CELSR2: variants seen among roughly 807,000 people sequenced by gnomAD.
CELSR2 encodes the protein EGF-like protein 2.
Under a neutral mutation model 251.6 loss-of-function variants are expected in CELSR2, and 81 were observed. That is an observed-to-expected ratio of 0.32 (90% confidence interval 0.27 to 0.39). The LOEUF is 0.39. CELSR2 is among the 10% of genes least tolerant of loss of function. The pLI, the probability that CELSR2 is intolerant of heterozygous loss-of-function variation, is 1.00. For missense variants in CELSR2, 3,365 were observed against 3,947.7 expected, an observed-to-expected ratio of 0.85 and a Z score of 3.96; for synonymous variants, 1,721 against 1,670.5, an observed-to-expected ratio of 1.03 and a Z score of -0.74.
At chr1:109,257,961 C>T (rs1655904215) in intron 1 of CELSR2, among the ~76,000 whole-genome samples, 1 of 152,146 alleles carries the variant, frequency 6.6e-6, no homozygotes, top group Admixed American at 6.5e-5. Context: ...TTACCCACTC[C>T]CCCCCACCCC....
chr1:109,274,116 T>C lies in CELSR2; in HGVS notation c.*67T>C. ...CCCAGCCGCACTCATGCCCTGCTCC[T>C]GTCTTGTGCTTTATCCTGCCCCGCT... On this transcript the variant is annotated 3_prime_UTR_variant, in exon 34 of 34. Coordinates refer to ENST00000271332, the MANE Select transcript of CELSR2 (RefSeq NM_001408.3). 1 of 1,613,242 alleles carries C rather than the reference T, an allele frequency of 6.2e-7. No individual in the cohort carries two copies.
At chr1:109,258,020 C>G (rs1056022320) in intron 1 of CELSR2, among the ~76,000 whole-genome samples, 3 of 151,944 alleles carry the variant, frequency 2.0e-5, no homozygotes, top group Non-Finnish European at 2.9e-5. Context: ...GCCATGGTTG[C>G]GATTATCGTG....
Position 109,273,498 on chromosome 1 carries a change from CT to C in CELSR2, c.8573del (p.Leu2858ArgfsTer35). ...GAAGAGCAGCCTCCTGCGGCTCCCC[CT>C]GGAGCAATGCACAGGGTCTTCCCGG... ...SEKSSLLRLP[L>X]EQCTGSSRGS... On this transcript the variant is annotated frameshift_variant, in exon 33 of 34. Transcript: ENST00000271332. LOFTEE classifies it high-confidence loss of function. The C allele has an allele frequency of 6.2e-7, 1 of 1,611,162 alleles. No individual in the cohort carries two copies. Among genetic ancestry groups the C allele is most frequent in the Non-Finnish European group, 8.5e-7 (1 of 1,179,024 alleles).
chr1:109,275,532 C>T lies in CELSR2; in HGVS notation c.*1483C>T, dbSNP rs927523190. 6 of 64,170 alleles carry T rather than the reference C, an allele frequency of 9.4e-5. No individual in the cohort carries two copies. The highest frequency in any genetic ancestry group is 2.5e-4 in the African/African-American group (6 of 23,564). 4.0% of individuals were successfully genotyped at this position (64,170 alleles called of 1,614,324 possible). A position where few individuals can be genotyped will look rare whatever the true frequency, so the allele number is the denominator to read the frequency against. The stretch of plus-strand genomic sequence containing the variant: ...CTCTGGCTTTTCTGCCGTGGATTCT[C>T]CCCCGTCTTCTCCCCTCAGCAATTC... On this transcript the variant is annotated 3_prime_UTR_variant, in exon 34 of 34. Transcript: ENST00000271332.
At chr1:109,265,039 T>C (rs779905534) in intron 12 of CELSR2, 30 bp downstream of exon 12, 1 of 1,613,550 alleles carries the variant, frequency 6.2e-7, no homozygotes, top group South Asian at 1.1e-5. Flanking sequence ...TGGCAGCAGG[T>C]CCCAGTGGCT....
rs768921124 is a variant in CELSR2 at position 109,271,382 on chromosome 1, C to A, written c.7677-4C>A. ...CCGGACTCATGGCCTGTCCCTATCC[C>A]CAGCTCGGGCCTGCAGCCCTCCTTC... On this transcript the variant is annotated splice_region_variant and splice_polypyrimidine_tract_variant and intron_variant, in intron 26 of 33. Transcript: ENST00000271332. The A allele has an allele frequency of 9.3e-6, 15 of 1,612,552 alleles. No individual in the cohort carries two copies. In the Admixed American group the frequency reaches 1.7e-4, roughly 18 times the overall value.
intron 2 of CELSR2, among the ~76,000 whole-genome samples, chr1:109,259,344 G>A (rs1397816259): frequency 2.0e-5 from 3 of 152,372 alleles, no homozygotes; most frequent in Admixed American, 6.5e-5. Flanking sequence ...GCCTGTGTTC[G>A]TGTATCAGCT....
chr1:109,265,447 C>A, intron 13 of CELSR2, 136 bp downstream of exon 13: 1 of 1,048,842 alleles, frequency 9.5e-7, no homozygotes, highest in Middle Eastern at 2.3e-4. Flanking sequence ...ACAGGCAGGG[C>A]AGTTGGCTGC....
Position 109,264,961 on chromosome 1 carries a change from A to G in CELSR2, c.5558A>G (p.Tyr1853Cys). Residue 1853 changes from tyrosine to cysteine, a missense_variant, in exon 12 of 34, where the codon TAT (tyrosine) becomes TGT (cysteine). Physicochemically the swap from Tyr to Cys is radical, Grantham distance 194 (BLOSUM62 -2). This residue lies in a region of CELSR2 where 2,093 missense variants were observed against 2,382.8 expected (regional missense o/e 0.88). Coordinates refer to ENST00000271332, the MANE Select transcript of CELSR2 (RefSeq NM_001408.3). ...CGCAAGCCCAGTGCCCCCCATGGCT[A>G]TACCTGCGAGTGTCCCCCAAATTAC... ...CTRKPSAPHG[Y>C]TCECPPNYLG... 3 of 1,614,186 alleles carry G rather than the reference A, an allele frequency of 1.9e-6. No homozygotes were observed. Among genetic ancestry groups the G allele is most frequent in the Non-Finnish European group, 2.5e-6 (3 of 1,180,034 alleles).
chr1:109,263,359 C>T, intron 8 of CELSR2, 92 bp downstream of exon 8: 1 of 1,482,714 alleles, frequency 6.7e-7, no homozygotes, highest in Non-Finnish European at 9.0e-7. Context: ...CAGGGCTCTG[C>T]TGAGCGGGGC....
chr1:109,261,720 T>C lies in CELSR2; in HGVS notation c.4298-88T>C. Reference sequence around the variant, plus strand: ...CAAGCCACATACTCTATCAGCCAAATCTGGGCCCAGCCCCAGCCACTGGCA... The same window carrying C: ...CAAGCCACATACTCTATCAGCCAAACCTGGGCCCAGCCCCAGCCACTGGCA... On this transcript the variant is annotated intron_variant, in intron 4 of 33. Coordinates refer to ENST00000271332, the MANE Select transcript of CELSR2 (RefSeq NM_001408.3). The surrounding 1 kb of genome is among the most constrained non-coding windows in gnomAD (Gnocchi z 4.8). 1.9e-6 allele frequency: 3 copies of C among 1,546,716 alleles called. No homozygotes were observed. Among genetic ancestry groups the C allele is most frequent in the Non-Finnish European group, 1.8e-6 (2 of 1,127,552 alleles).
In CELSR2 at chr1:109,269,613, C is replaced by A; in HGVS notation, c.6980+22C>A. On this transcript the variant is annotated intron_variant, in intron 21 of 33. Coordinates refer to ENST00000271332, the MANE Select transcript of CELSR2 (RefSeq NM_001408.3). The surrounding 1 kb of genome is among the most constrained non-coding windows in gnomAD (Gnocchi z 6.4). ...TCCTGTGAGCCTGCACTGCCCTCGCCCCCTCAGGCTTCGGGCTGAAAGTCC... is the reference window on the plus strand; with the variant it reads ...TCCTGTGAGCCTGCACTGCCCTCGCACCCTCAGGCTTCGGGCTGAAAGTCC... 1 of 1,613,472 alleles carries A rather than the reference C, an allele frequency of 6.2e-7. No individual in the cohort carries two copies. Among genetic ancestry groups the A allele is most frequent in the Non-Finnish European group, 8.5e-7 (1 of 1,179,490 alleles).
At position 109,250,439 on chromosome 1, in the gene CELSR2, A is replaced by G; in HGVS notation, c.360A>G (p.Gly120=). The change falls in exon 1 of 34, where the codon GGA becomes GGG. Residue 120 remains glycine, a synonymous_variant. Transcript: ENST00000271332. The surrounding 1 kb of genome is among the most constrained non-coding windows in gnomAD (Gnocchi z 4.4). ...CPWSCRLLGI[G]GHLSPQGKLT... is the part of the protein sequence containing the mutation. ...GGAGCTGTCGCCTCCTGGGCATTGG[A>G]GGCCACCTTTCCCCACAGGGCAAGC... 6.2e-7 allele frequency: 1 copy of G among 1,613,658 alleles called. No individual in the cohort carries two copies. The highest frequency in any genetic ancestry group is 1.1e-5 in the South Asian group (1 of 91,090).
rs1031296903 is a variant in CELSR2, at chr1:109,274,337, A to G, written c.*288A>G. 1.7e-6 allele frequency: 1 copy of G among 595,628 alleles called. No individual in the cohort carries two copies. The highest frequency in any genetic ancestry group is 2.8e-5 in the South Asian group (1 of 35,898). 36.9% of individuals were successfully genotyped at this position (595,628 alleles called of 1,614,324 possible). A position where few individuals can be genotyped will look rare whatever the true frequency, so the allele number is the denominator to read the frequency against. On this transcript the variant is annotated 3_prime_UTR_variant, in exon 34 of 34. Transcript: ENST00000271332. The stretch of plus-strand genomic sequence containing the variant: ...AAAAGAGGAAAAAAAGAATTTAAAA[A>G]AGGATCTCCACTCTTCATGACTTCA...
Position 109,261,651 on chromosome 1 carries a change from C to T in CELSR2, c.4297+23C>T. 3 of 1,599,112 alleles carry T rather than the reference C, an allele frequency of 1.9e-6. No homozygotes were observed. Among genetic ancestry groups the T allele is most frequent in the African/African-American group, 1.3e-5 (1 of 74,714 alleles). On this transcript the variant is annotated intron_variant, in intron 4 of 33. Transcript: ENST00000271332. The surrounding 1 kb of genome is among the most constrained non-coding windows in gnomAD (Gnocchi z 4.8). The stretch of plus-strand genomic sequence containing the variant: ...CAGGTGATCACAGTTGCCCCCCATC[C>T]TTGCCCATCTTCCAAAGGCCCCAAG...
intron 12 of CELSR2, 85 bp from the exon 13 acceptor site, chr1:109,265,106 A>G (rs2101262755): frequency 6.3e-7 from 1 of 1,591,196 alleles, no homozygotes; most frequent in East Asian, 2.2e-5. Flanking sequence ...ATCCACAGCC[A>G]GGGTCAGAAG....
chr1:109,256,301 G>A (rs1655844173), intron 1 of CELSR2, among the ~76,000 whole-genome samples: 1 of 152,186 alleles, frequency 6.6e-6, no homozygotes, highest in Admixed American at 6.5e-5. Context: ...GGAACAGCCT[G>A]TGCAGCAGCT....
chr1:109,252,528 C>T lies in CELSR2; in HGVS notation c.2449C>T (p.Arg817Ter). The T allele has an allele frequency of 3.1e-6, 5 of 1,613,866 alleles. No homozygotes were observed. The highest frequency in any genetic ancestry group is 4.2e-6 in the Non-Finnish European group (5 of 1,180,024). Residue 817 changes from arginine (R) to a stop codon, truncating the protein, a stop_gained, in exon 1 of 34, where the codon CGA (arginine) becomes TGA (stop). Transcript: ENST00000271332. LOFTEE classifies it high-confidence loss of function. The surrounding 1 kb of genome is among the most constrained non-coding windows in gnomAD (Gnocchi z 4.8). ...GAATGACAATGCCCCTCAGTTCCTG[C>T]GAGACTCCTACCAGGGCAGTGTCTA... ...DVNDNAPQFL[R>*]DSYQGSVYED...
At position 109,252,654 on chromosome 1, in the gene CELSR2, G is replaced by A. The variant is rs201283895; in HGVS notation, c.2575G>A (p.Asp859Asn). 1.7e-5 allele frequency: 28 copies of A among 1,613,906 alleles called. No homozygotes were observed. Among genetic ancestry groups the A allele is most frequent in the African/African-American group, 9.3e-5 (7 of 75,068 alleles). Residue 859 changes from aspartate to asparagine, a missense_variant, in exon 1 of 34, where the codon GAT (aspartate) becomes AAT (asparagine). Transcript: ENST00000271332. This position sits in a 1 kb window ranked among gnomAD's most constrained non-coding sequence, Gnocchi z 4.8. ...CTTCTACACCTTCCAAGGAGGCGAC[G>A]ATGGAGACGGTGACTTTATTGTTGA... ...RVFYTFQGGD[D>N]GDGDFIVEST...
Sources: gnomAD v4.1 joint callset for allele counts (sites outside exome capture counted in the v4.1 genomes callset) on GRCh38, gnomAD v4.1.1 for gene constraint, gnomAD v4.1.1 regional missense constraint, Gnocchi (gnomAD v3.1) non-coding constraint, MANE v1.5 for transcripts, NCBI Gene and HGNC (gene_info 2026-07-23, HGNC 2026-07-21) for gene names.